DZIP1: variants seen among roughly 807,000 people sequenced by gnomAD.
DZIP1 encodes DAZ interacting zinc finger protein 1.
A neutral mutation model predicts 107.6 loss-of-function variants in DZIP1; 97 were observed. The ratio of observed to expected loss-of-function variants is 0.90; its 90% CI spans 0.77 to 1.07. The LOEUF (loss-of-function observed/expected upper bound fraction) is 1.07, where lower values mean the gene tolerates loss of function less well. DZIP1 is among the 50% of genes least tolerant of loss of function. DZIP1 has a pLI of 0.00. For missense variants in DZIP1, 1,035 were observed against 1,063.6 expected, an observed-to-expected ratio of 0.97 and a Z score of 0.37; for synonymous variants, 390 against 386.4, an observed-to-expected ratio of 1.01 and a Z score of -0.11.
At chr13:95,588,135 A>G (rs528215162) in intron 19 of DZIP1, 1 of 156,240 alleles carries the variant, frequency 6.4e-6, no homozygotes, top group East Asian at 1.9e-4. Context: ...GCTTTTACAT[A>G]CACAATCTCA....
chr13:95,586,211 C>A, intron 20 of DZIP1, 75 bp from the exon 21 acceptor site: 1 of 1,296,756 alleles, frequency 7.7e-7, no homozygotes. Flanking sequence ...AATAACCTTA[C>A]AGGAAACTTT....
At chr13:95,637,598 T>C (rs1877955062) in intron 5 of DZIP1, among the ~76,000 whole-genome samples, 1 of 99,422 alleles carries the variant, frequency 1.0e-5, no homozygotes, top group East Asian at 2.9e-4. Context: ...GAGAGAGACA[T>C]TAGCGATCTC....
At chr13:95,584,523 A>C in intron 22 of DZIP1, 6 of 926,604 alleles carry the variant, frequency 6.5e-6, no homozygotes, top group Non-Finnish European at 8.3e-6. Context: ...TAAAGACTAA[A>C]GATTAGTCCT....
intron 7 of DZIP1, among the ~76,000 whole-genome samples, chr13:95,626,230 T>A (rs1014549139): frequency 1.8e-4 from 27 of 151,094 alleles, no homozygotes; most frequent in Non-Finnish European, 3.8e-4. Context: ...AAGAAAAAAA[T>A]TATGAAAATT....
intron 14 of DZIP1, among the ~76,000 whole-genome samples, chr13:95,600,365 T>G (rs2044577182): frequency 6.6e-6 from 1 of 152,086 alleles, no homozygotes; most frequent in Non-Finnish European, 1.5e-5. Context: ...GTCATTTCAT[T>G]CTACCACCAG....
chr13:95,582,145 A>G lies in DZIP1; in HGVS notation c.*89T>C. ...GTTGCTGTGGGAAACACGGTAAGGC[A>G]GAAGCACTAGAATCATGGAGGCAAA... On this transcript the variant is annotated 3_prime_UTR_variant, in exon 23 of 23. Transcript: ENST00000376829. The G allele has an allele frequency of 7.9e-7, 1 of 1,260,456 alleles. No individual in the cohort carries two copies. The highest frequency in any genetic ancestry group is 1.2e-6 in the Non-Finnish European group (1 of 862,490). 78.1% of individuals were successfully genotyped at this position (1,260,456 alleles called of 1,614,324 possible).
chr13:95,634,276 C>T (rs1877542196), intron 5 of DZIP1, among the ~76,000 whole-genome samples: 1 of 152,240 alleles, frequency 6.6e-6, no homozygotes, highest in African/African-American at 2.4e-5. Context: ...AGGATGACAG[C>T]ATGTCCTCAA....
chr13:95,633,988 G>A (rs561913147), intron 5 of DZIP1, among the ~76,000 whole-genome samples: 3 of 152,236 alleles, frequency 2.0e-5, no homozygotes, highest in African/African-American at 7.2e-5. Context: ...CTGAAGACAA[G>A]GCAGTGAAAA....
chr13:95,608,459 T>G (rs1416358804), intron 13 of DZIP1, among the ~76,000 whole-genome samples: 3 of 146,618 alleles, frequency 2.0e-5, no homozygotes, highest in East Asian at 1.9e-4. Context: ...TTTTTTTTTT[T>G]TTGGTTTTTT....
chr13:95,584,956 T>G, intron 21 of DZIP1, 46 bp from the exon 22 acceptor site: 5 of 1,539,036 alleles, frequency 3.2e-6, no homozygotes, highest in Middle Eastern at 1.7e-4. Flanking sequence ...TAGAAAAAAA[T>G]GGTGTCCCTC....
chr13:95,598,988 A>C (rs1297493090), intron 15 of DZIP1, among the ~76,000 whole-genome samples: 1 of 152,208 alleles, frequency 6.6e-6, no homozygotes, highest in African/African-American at 2.4e-5. Flanking sequence ...TTTCAGATTA[A>C]GGGTATGATA....
At position 95,592,716 on chromosome 13, in the gene DZIP1, A is replaced by G. The variant is rs1034284447; in HGVS notation, c.1680+1228T>C. ...ATAGCCAAGAAGAGCCCCAAAATAG[A>G]CACACAAATGTCCATCAGCAGGGAA... On this transcript the variant is annotated intron_variant, in intron 16 of 22. Coordinates refer to ENST00000376829, the MANE Select transcript of DZIP1 (RefSeq NM_198968.4). Among the ~76,000 whole-genome samples the G allele has an allele frequency of 6.6e-5, 10 of 152,352 alleles. No individual in the cohort carries two copies. In the South Asian group the frequency reaches 2.1e-3, roughly 32 times the overall value.
At chr13:95,589,336 C>A in intron 18 of DZIP1, 129 bp from the exon 19 acceptor site, 1 of 697,764 alleles carries the variant, frequency 1.4e-6, no homozygotes. Context: ...ACAAAAGTCA[C>A]CCAGCGTCAG....
chr13:95,585,478 C>T lies in DZIP1; in HGVS notation c.2349+528G>A, dbSNP rs2044136623. Among the ~76,000 whole-genome samples, 2 of 152,224 alleles carry T rather than the reference C, an allele frequency of 1.3e-5. 1 individual carries two copies. Among genetic ancestry groups the T allele is most frequent in the South Asian group, 4.1e-4 (2 of 4,830 alleles). On this transcript the variant is annotated intron_variant, in intron 21 of 22. Coordinates refer to ENST00000376829, the MANE Select transcript of DZIP1 (RefSeq NM_198968.4). ...TGCCCTGGACTGGAGGACCAGTCAA[C>T]ACAGATGAGCTGTGCCCAGAAATAC...
Position 95,616,542 on chromosome 13 carries a change from C to G in DZIP1, c.1173+3343G>C, listed in dbSNP as rs1875095496. 2.6e-5 allele frequency among the ~76,000 whole-genome samples: 4 copies of G among 152,096 alleles called. No individual in the cohort carries two copies. The South Asian group carries it at 8.3e-4, about 31-fold the overall frequency. ...CGTGATTGGAGAGATAGACAATAAA[C>G]AAGGAAACAAATAAGCAAGTAAACT... On this transcript the variant is annotated intron_variant, in intron 10 of 22. Transcript: ENST00000376829.
At chr13:95,603,335 A>T (rs1469590961) in intron 14 of DZIP1, among the ~76,000 whole-genome samples, 35 of 143,026 alleles carry the variant, frequency 2.4e-4, no homozygotes, top group South Asian at 4.6e-4. Flanking sequence ...AAAAAAAAAA[A>T]GAGTTTCCAG....
intron 19 of DZIP1, among the ~76,000 whole-genome samples, chr13:95,588,907 C>T (rs1198498833): frequency 1.3e-5 from 2 of 152,138 alleles, no homozygotes; most frequent in African/African-American, 4.8e-5. Context: ...GGGGGATGGA[C>T]ATAAGAATGA....
Position 95,619,911 on chromosome 13 carries a change from G to A in DZIP1, c.1147C>T (p.Gln383Ter). ...CGACCCTTCTCTTTCTTGTGTTCTT[G>A]ATGAATAGCTTGAACTCGAGCTGTC... ...KWTARVQAIH[Q>*]EHKKEKGRLL... The change falls in exon 10 of 23, where the codon CAA becomes TAA. Residue 383 changes from glutamine to a stop codon, truncating the protein, a stop_gained. Coordinates refer to ENST00000376829, the MANE Select transcript of DZIP1 (RefSeq NM_198968.4). LOFTEE classifies it high-confidence loss of function. 1 of 1,613,866 alleles carries A rather than the reference G, an allele frequency of 6.2e-7. No individual in the cohort carries two copies. The highest frequency in any genetic ancestry group is 1.1e-5 in the South Asian group (1 of 91,062).
At chr13:95,598,274 T>C (rs745855073) in intron 15 of DZIP1, among the ~76,000 whole-genome samples, 2 of 152,128 alleles carry the variant, frequency 1.3e-5, no homozygotes, top group African/African-American at 2.4e-5. Flanking sequence ...GACAGGAAGA[T>C]ATGCAATCCT....
Sources: allele counts gnomAD v4.1 joint callset (sites outside exome capture counted in the v4.1 genomes callset), GRCh38; gene constraint gnomAD v4.1.1; transcripts MANE v1.5; gene names NCBI Gene and HGNC (gene_info 2026-07-23, HGNC 2026-07-21).